The following MTUS1 variants were observed in gnomAD, a reference collection of about 807,000 sequenced individuals.
MTUS1 encodes microtubule associated scaffold protein 1.
A neutral mutation model predicts 120.8 loss-of-function variants in MTUS1; 109 were observed. The observed-to-expected ratio is 0.90, with a 90% CI of 0.77 to 1.06. The LOEUF (loss-of-function observed/expected upper bound fraction) is 1.06, where lower values mean the gene tolerates loss of function less well. Among genes scored for constraint, MTUS1 ranks in the 50% least tolerant of loss-of-function variants. The pLI is 0.00. For synonymous variants in MTUS1, 737 were observed against 550.5 expected (o/e 1.34, Z -4.74); for missense variants, 2,210 against 1,486.3 (o/e 1.49, Z -8.01).
rs190062621 is a variant in MTUS1, at chr8:17,715,412, G to C, written c.2584+355C>G. Among the ~76,000 whole-genome samples, 459 of 152,252 alleles carry C rather than the reference G, an allele frequency of 3.0e-3. 3 individuals are homozygous for C. Among genetic ancestry groups the C allele is most frequent in the Middle Eastern group, 6.8e-3 (2 of 294 alleles). On this transcript the variant is annotated intron_variant, in intron 5 of 14. Transcript: ENST00000693296. The stretch of plus-strand genomic sequence containing the variant: ...TTAGACCAAAGACATGAAGACACAA[G>C]TACAGTAATAAACATAAAACATCTA...
chr8:17,755,689 G>C lies in MTUS1; in HGVS notation c.119C>G (p.Ser40Ter), dbSNP rs939901064. 6.2e-7 allele frequency: 1 copy of C among 1,614,084 alleles called. No homozygotes were observed. The highest frequency in any genetic ancestry group is 1.3e-5 in the African/African-American group (1 of 74,942). Reference sequence around the variant, plus strand: ...AGAATTCCAGTTCACACTGCTGGCTGAAGAGTTTTGTGTAGGTGGTGATTT... The same window carrying C: ...AGAATTCCAGTTCACACTGCTGGCTCAAGAGTTTTGTGTAGGTGGTGATTT... ...NPKSPPTQNS[S>*]ASSVNWNSAN... Residue 40 changes from serine to a stop codon, truncating the protein, a stop_gained, in exon 2 of 15, where the codon TCA becomes TGA. Coordinates refer to ENST00000693296, the MANE Select transcript of MTUS1 (RefSeq NM_001363059.2). LOFTEE classifies it high-confidence loss of function.
At chr8:17,741,106 T>C (rs1266048574) in intron 3 of MTUS1, among the ~76,000 whole-genome samples, 1 of 152,224 alleles carries the variant, frequency 6.6e-6, no homozygotes, top group Non-Finnish European at 1.5e-5. Context: ...CTCAAACTCC[T>C]GACCTCAGGT....
intron 1 of MTUS1, among the ~76,000 whole-genome samples, chr8:17,784,290 C>T (rs1357674303): frequency 7.6e-6 from 1 of 130,786 alleles, no homozygotes. Flanking sequence ...AATTTTCTTA[C>T]AACTGTTTTT....
intron 1 of MTUS1, among the ~76,000 whole-genome samples, chr8:17,793,361 G>C (rs1053062200): frequency 2.0e-5 from 3 of 152,150 alleles, no homozygotes; most frequent in Admixed American, 6.5e-5. Context: ...TCTGCTTGCT[G>C]AGTATGAAAC....
chr8:17,677,577 T>C (rs1486352548), intron 7 of MTUS1, among the ~76,000 whole-genome samples: 2 of 152,186 alleles, frequency 1.3e-5, no homozygotes, highest in Non-Finnish European at 2.9e-5. Flanking sequence ...CACCAGGTGA[T>C]ATTTTTGCTT....
chr8:17,794,070 G>A (rs2052017897), intron 1 of MTUS1, among the ~76,000 whole-genome samples: 2 of 152,188 alleles, frequency 1.3e-5, no homozygotes, highest in South Asian at 2.1e-4. Flanking sequence ...GCTCACGTCT[G>A]TAGTCCCAGC....
At chr8:17,731,454 T>A (rs1245235965) in intron 3 of MTUS1, among the ~76,000 whole-genome samples, 1 of 152,126 alleles carries the variant, frequency 6.6e-6, no homozygotes, top group Non-Finnish European at 1.5e-5. Flanking sequence ...CAAAGTACCA[T>A]ACAAATATTA....
At chr8:17,658,898 G>A (rs774331627) in intron 8 of MTUS1, among the ~76,000 whole-genome samples, 2 of 151,994 alleles carry the variant, frequency 1.3e-5, no homozygotes, top group African/African-American at 2.4e-5. Context: ...CAGGAATAGT[G>A]TCTGCCAAAG....
intron 4 of MTUS1, chr8:17,722,230 G>T: frequency 6.0e-6 from 6 of 1,000,276 alleles, no homozygotes; most frequent in Non-Finnish European, 7.1e-6. Context: ...CTGAAACGGT[G>T]GCCAAGTCAA....
intron 6 of MTUS1, among the ~76,000 whole-genome samples, chr8:17,711,358 G>A: frequency 6.6e-6 from 1 of 152,210 alleles, no homozygotes; most frequent in Non-Finnish European, 1.5e-5. Context: ...ATGACTCGCT[G>A]TAGCTTCTAC....
At position 17,754,389 on chromosome 8, in the gene MTUS1, G is replaced by C. The variant is rs192980583; in HGVS notation, c.1419C>G (p.Asn473Lys). The C allele has an allele frequency of 1.2e-6, 2 of 1,613,930 alleles. No homozygotes were observed. The highest frequency in any genetic ancestry group is 2.2e-5 in the South Asian group (2 of 91,068). ...NIPDSKEAPV[N>K]LCKPSLGKST... The stretch of plus-strand genomic sequence containing the variant: ...ATTTTCCTAAACTGGGTTTACACAG[G>C]TTCACAGGTGCCTCCTTCGAGTCTG... The change falls in exon 2 of 15, where the codon AAC becomes AAG. Residue 473 changes from asparagine (N) to lysine (K), a missense_variant. By Grantham distance (94) the Asn-to-Lys change is moderately conservative (BLOSUM62 0). Transcript: ENST00000693296.
chr8:17,777,452 GAA>G (rs796475013), intron 1 of MTUS1, among the ~76,000 whole-genome samples: 12,529 of 107,174 alleles, frequency 0.12, 1,794 homozygotes, highest in African/African-American at 0.35. Context: ...AAAAGAAAAA[GAA>G]AAAAAAAAAA....
intron 5 of MTUS1, among the ~76,000 whole-genome samples, chr8:17,714,849 C>A (rs557320922): frequency 2.7e-5 from 4 of 147,176 alleles, no homozygotes; most frequent in Admixed American, 2.7e-4. Context: ...CACAATTATT[C>A]GCTCAGGCTT....
intron 2 of MTUS1, among the ~76,000 whole-genome samples, chr8:17,746,846 C>T (rs2979787): frequency 0.67 from 101,339 of 152,018 alleles, 34,107 homozygotes; most frequent in Admixed American, 0.72. Context: ...TTTTAAAGAA[C>T]AAGAACATGA....
chr8:17,682,880 C>T (rs556620361), intron 7 of MTUS1, among the ~76,000 whole-genome samples: 3 of 151,772 alleles, frequency 2.0e-5, no homozygotes, highest in South Asian at 4.2e-4. Flanking sequence ...ATACTATTAC[C>T]GTTACTAAAA....
At chr8:17,759,589 T>C (rs1000882706) in intron 1 of MTUS1, among the ~76,000 whole-genome samples, 1 of 148,202 alleles carries the variant, frequency 6.7e-6, no homozygotes, top group African/African-American at 2.4e-5. Context: ...TTACTATATA[T>C]GTATATTTTA....
chr8:17,710,750 G>A (rs759795518), intron 6 of MTUS1, among the ~76,000 whole-genome samples: 2 of 152,152 alleles, frequency 1.3e-5, no homozygotes. Flanking sequence ...TCAGTATCTA[G>A]GGCAGCTACA....
intron 2 of MTUS1, among the ~76,000 whole-genome samples, chr8:17,752,052 T>C (rs534243258): frequency 6.6e-6 from 1 of 152,144 alleles, no homozygotes; most frequent in Non-Finnish European, 1.5e-5. Flanking sequence ...AGGATCCATT[T>C]CAACCTGATG....
At chr8:17,788,659 C>T (rs1346690783) in intron 1 of MTUS1, among the ~76,000 whole-genome samples, 1 of 152,126 alleles carries the variant, frequency 6.6e-6, no homozygotes, top group African/African-American at 2.4e-5. Context: ...CTATATTTCT[C>T]AATCTAAGTC....
Sources: gnomAD v4.1 joint callset for allele counts (sites outside exome capture counted in the v4.1 genomes callset) on GRCh38, gnomAD v4.1.1 for gene constraint, MANE v1.5 for transcripts, NCBI Gene and HGNC (gene_info 2026-07-23, HGNC 2026-07-21) for gene names.